ATPAF1: variants seen among roughly 807,000 people sequenced by gnomAD.
ATPAF1 encodes the protein ATP synthase mitochondrial F1 complex assembly factor 1, also known as homolog of yeast ATP11.
Under a neutral mutation model 43.9 loss-of-function variants are expected in ATPAF1, and 26 were observed. The ratio of observed to expected loss-of-function variants is 0.59; its 90% confidence interval spans 0.43 to 0.82. The LOEUF (loss-of-function observed/expected upper bound fraction) is 0.82. Ranked by LOEUF, ATPAF1 falls within the 40% of genes least tolerant of loss-of-function variation. The pLI is 0.00. For missense variants in ATPAF1, 366 were observed against 435.0 expected, an observed-to-expected ratio of 0.84 and a Z score of 1.41; for synonymous variants, 157 against 168.0, an observed-to-expected ratio of 0.93 and a Z score of 0.50.
At chr1:46,644,705 G>T (rs984845586) in intron 7 of ATPAF1, among the ~76,000 whole-genome samples, 15 of 135,340 alleles carry the variant, frequency 1.1e-4, no homozygotes, top group Non-Finnish European at 3.1e-5. Context: ...TGTTTTATTG[G>T]AAATAAAGAA....
At chr1:46,643,851 T>A (rs1049411555) in intron 7 of ATPAF1, among the ~76,000 whole-genome samples, 1 of 152,158 alleles carries the variant, frequency 6.6e-6, no homozygotes, top group Non-Finnish European at 1.5e-5. Context: ...TTATGAAGAA[T>A]GATCAGGGCA....
chr1:46,658,439 A>G (rs1049817359), intron 3 of ATPAF1, among the ~76,000 whole-genome samples: 8 of 152,126 alleles, frequency 5.3e-5, no homozygotes, highest in African/African-American at 1.4e-4. Flanking sequence ...ACCCTTACCA[A>G]TGAGTCCTGC....
Position 46,668,017 on chromosome 1 carries a change from T to TCCCGCCTCCTG in ATPAF1, c.266+29_266+39dup. ...GCCCAGCAGCCCGGGCCGCCCCTCC[T>TCCCGCCTCCTG]CCCGCCTCCTGCCCGCCTCCAGCCA... On this transcript the variant is annotated intron_variant, in intron 1 of 8. Transcript: ENST00000574428. This position sits in a 1 kb window ranked among gnomAD's most constrained non-coding sequence, Gnocchi z 4.4. The TCCCGCCTCCTG allele has an allele frequency of 7.5e-7, 1 of 1,327,808 alleles. No individual in the cohort carries two copies. Among genetic ancestry groups the TCCCGCCTCCTG allele is most frequent in the Non-Finnish European group, 9.6e-7 (1 of 1,041,512 alleles). 82.3% of individuals were successfully genotyped at this position (1,327,808 alleles called of 1,614,324 possible). A position where few individuals can be genotyped will look rare whatever the true frequency, so the allele number is the denominator to read the frequency against.
At chr1:46,642,789 C>T (rs1407725136) in intron 8 of ATPAF1, among the ~76,000 whole-genome samples, 3 of 150,850 alleles carry the variant, frequency 2.0e-5, no homozygotes. Flanking sequence ...TACTATATAA[C>T]TATATTATGT....
intron 8 of ATPAF1, among the ~76,000 whole-genome samples, chr1:46,637,035 A>G (rs1675853751): frequency 6.6e-6 from 1 of 152,218 alleles, no homozygotes; most frequent in Non-Finnish European, 1.5e-5. Context: ...CACTCAGCTA[A>G]GCTGCTACTA....
exon 9 of ATPAF1, chr1:46,635,744 G>A (rs370252438): frequency 7.6e-6 from 12 of 1,588,688 alleles, no homozygotes; most frequent in African/African-American, 2.7e-5. Context: ...CGAGGGCTGA[G>A]TCAACTAGGT....
At chr1:46,656,693 A>G (rs1165376427) in intron 4 of ATPAF1, among the ~76,000 whole-genome samples, 1 of 152,182 alleles carries the variant, frequency 6.6e-6, no homozygotes, top group African/African-American at 2.4e-5. Context: ...ATAGGTCTCA[A>G]TGATACTTGT....
chr1:46,651,501 T>C (rs1676169333), intron 6 of ATPAF1, among the ~76,000 whole-genome samples: 1 of 152,216 alleles, frequency 6.6e-6, no homozygotes, highest in South Asian at 2.1e-4. Context: ...TTATAGTCCT[T>C]TGGGTATACA....
At chr1:46,667,690 AG>A (rs1159810715) in intron 1 of ATPAF1, among the ~76,000 whole-genome samples, 1 of 152,160 alleles carries the variant, frequency 6.6e-6, no homozygotes, top group African/African-American at 2.4e-5. Flanking sequence ...GCCAGGCCTC[AG>A]CTATCTTAAT....
At chr1:46,640,482 T>C (rs1467950512) in intron 8 of ATPAF1, among the ~76,000 whole-genome samples, 2 of 152,098 alleles carry the variant, frequency 1.3e-5, no homozygotes, top group Admixed American at 1.3e-4. Context: ...TGGTGGCACA[T>C]GCCTGTAATC....
At chr1:46,652,680 G>A in intron 5 of ATPAF1, 52 bp from the exon 6 acceptor site, 1 of 1,474,682 alleles carries the variant, frequency 6.8e-7, no homozygotes. Context: ...AACACAAAAG[G>A]CCACTATCAC....
At chr1:46,637,975 T>C (rs951708136) in intron 8 of ATPAF1, among the ~76,000 whole-genome samples, 3 of 152,316 alleles carry the variant, frequency 2.0e-5, no homozygotes, top group Non-Finnish European at 1.5e-5. Context: ...ATAATTAAGA[T>C]TGATGAAGGC....
At chr1:46,655,576 T>C (rs1320574613) in intron 4 of ATPAF1, among the ~76,000 whole-genome samples, 4 of 152,222 alleles carry the variant, frequency 2.6e-5, no homozygotes, top group Non-Finnish European at 5.9e-5. Context: ...ATAGTATACA[T>C]AGATGTAGCA....
At chr1:46,634,904 A>C (rs1347336511), downstream of ATPAF1, 3 of 152,642 alleles carry the variant, frequency 2.0e-5, no homozygotes, top group East Asian at 5.8e-4. Flanking sequence ...ATTTTGTATA[A>C]CAAACATTGT....
intron 1 of ATPAF1, among the ~76,000 whole-genome samples, chr1:46,666,836 A>T (rs1381875245): frequency 6.6e-6 from 1 of 152,222 alleles, no homozygotes; most frequent in Non-Finnish European, 1.5e-5. Flanking sequence ...GGAATGATCC[A>T]GTGGGGAAGG....
intron 8 of ATPAF1, among the ~76,000 whole-genome samples, chr1:46,637,212 C>T (rs571656108): frequency 4.6e-5 from 7 of 152,066 alleles, no homozygotes. Context: ...GGCCACCCTA[C>T]ATGACAGAGG....
intron 8 of ATPAF1, among the ~76,000 whole-genome samples, chr1:46,638,209 G>C (rs1675876073): frequency 2.0e-5 from 3 of 152,206 alleles, no homozygotes; most frequent in Non-Finnish European, 4.4e-5. Context: ...CTATTCTGTA[G>C]AGTCCTAGGT....
upstream of ATPAF1, chr1:46,668,471 G>A (rs1676536327): frequency 2.8e-6 from 3 of 1,058,784 alleles, no homozygotes; most frequent in African/African-American, 1.7e-5. The surrounding 1 kb of genome is among the most constrained non-coding windows in gnomAD (Gnocchi z 4.4). Flanking sequence ...ATAGCGGCGA[G>A]GCGGGGCGGG....
rs2148829854 is a variant in ATPAF1, at chr1:46,668,284, T to C, written c.39A>G (p.Gly13=). 7.2e-7 allele frequency: 1 copy of C among 1,382,342 alleles called. No homozygotes were observed. The highest frequency in any genetic ancestry group is 1.6e-5 in the South Asian group (1 of 64,026). The allele number at this position is 1,382,342 out of a possible 1,614,324, so 85.6% of individuals were successfully genotyped here. A position where few individuals can be genotyped will look rare whatever the true frequency, so the allele number is the denominator to read the frequency against. ...GACCGGCCACCTGCAGGACCGCCGG[T>C]CCCGCGCCACCCGCAGCCGCCACCA... The change falls in exon 1 of 9, where the codon GGA becomes GGG. Residue 13 remains glycine (G), a synonymous_variant. Transcript: ENST00000574428. This position sits in a 1 kb window ranked among gnomAD's most constrained non-coding sequence, Gnocchi z 4.4.
Sources: allele counts gnomAD v4.1 joint callset (sites outside exome capture counted in the v4.1 genomes callset), GRCh38; gene constraint gnomAD v4.1.1; non-coding constraint Gnocchi (gnomAD v3.1); transcripts MANE v1.5; gene names NCBI Gene and HGNC (gene_info 2026-07-23, HGNC 2026-07-21).